EPG5: variants seen among roughly 807,000 people sequenced by gnomAD.
EPG5 encodes ectopic P granules protein 5 homolog.
EPG5 carries 159 observed loss-of-function variants against 302.7 expected under a neutral mutation model. The observed-to-expected ratio is 0.53, with a 90% CI of 0.46 to 0.60. The LOEUF (loss-of-function observed/expected upper bound fraction) is 0.60, where lower values mean the gene tolerates loss of function less well. Among genes scored for constraint, EPG5 ranks in the 20% least tolerant of loss-of-function variants. The pLI is 0.00. For missense variants in EPG5, 2,896 were observed against 3,092.4 expected (o/e 0.94, Z 1.51); for synonymous variants, 1,158 against 1,136.8 (o/e 1.02, Z -0.37).
At chr18:45,910,374 G>A in intron 23 of EPG5, 147 bp downstream of exon 23, 2 of 575,360 alleles carry the variant, frequency 3.5e-6, no homozygotes, top group South Asian at 5.6e-5. Context: ...AACATTTCAA[G>A]ATGCAAATCT....
In EPG5 at chr18:45,854,791, T is replaced by C. The variant is rs184873254; in HGVS notation, c.7557+782A>G. 3.6e-3 allele frequency among the ~76,000 whole-genome samples: 549 copies of C among 152,102 alleles called. 4 individuals carry two copies. The highest frequency in any genetic ancestry group is 1.7e-3 in the Non-Finnish European group (115 of 67,976). On this transcript the variant is annotated intron_variant, in intron 43 of 43. Coordinates refer to ENST00000282041, the MANE Select transcript of EPG5 (RefSeq NM_020964.3). ...TGGGAGGATTGCTTGAGCACAGGAG[T>C]TCAAGGCTGCAGTGAGATATGATCA...
Position 45,867,635 on chromosome 18 carries a change from G to C in EPG5, c.6339C>G (p.Thr2113=). Residue 2113 remains threonine, a synonymous_variant, in exon 37 of 44, where the codon ACC becomes ACG. Transcript: ENST00000282041. The part of the protein sequence containing the change: ...DAWNSSPHPE[T]RSMIVCLLFM... Reference sequence around the variant, plus strand: ...AAAGGAGGCAGACAATCATGCTGCGGGTTTCTGGGTGGGGACTGGAATTCC... The same window carrying C: ...AAAGGAGGCAGACAATCATGCTGCGCGTTTCTGGGTGGGGACTGGAATTCC... 1 of 1,614,124 alleles carries C rather than the reference G, an allele frequency of 6.2e-7. No homozygotes were observed. The highest frequency in any genetic ancestry group is 8.5e-7 in the Non-Finnish European group (1 of 1,180,014).
At chr18:45,860,703 G>A (rs10853537) in intron 39 of EPG5, among the ~76,000 whole-genome samples, 21,145 of 152,126 alleles carry the variant, frequency 0.14, 1,981 homozygotes, top group East Asian at 0.32. Context: ...AACCAAATAC[G>A]TAGATCTCAC....
chr18:45,856,054 C>T (rs891695277), intron 42 of EPG5, among the ~76,000 whole-genome samples: 1 of 152,112 alleles, frequency 6.6e-6, no homozygotes, highest in African/African-American at 2.4e-5. Flanking sequence ...CCTAGGTATA[C>T]ACAAAAAACT....
the EPG5 span, chr18:45,837,117 C>G: frequency 6.2e-7 from 1 of 1,611,798 alleles, no homozygotes; most frequent in Non-Finnish European, 8.5e-7. Context: ...ATCACCATCT[C>G]GGGGATCTTG....
At chr18:45,910,164 T>G (rs1402318077) in intron 23 of EPG5, among the ~76,000 whole-genome samples, 1 of 152,064 alleles carries the variant, frequency 6.6e-6, no homozygotes, top group Non-Finnish European at 1.5e-5. Context: ...TTTTTTTTTA[T>G]TTTTTGTAGA....
At chr18:45,869,760 C>T (rs2048831102) in intron 36 of EPG5, among the ~76,000 whole-genome samples, 1 of 151,984 alleles carries the variant, frequency 6.6e-6, no homozygotes, top group African/African-American at 2.4e-5. Context: ...ATTAAGGGCA[C>T]TAAAAAAGTT....
chr18:45,966,331 G>A (rs1238928856), intron 1 of EPG5, among the ~76,000 whole-genome samples: 11 of 148,082 alleles, frequency 7.4e-5, no homozygotes. Context: ...AGCCGAGATC[G>A]CGCCACTGCA....
intron 39 of EPG5, among the ~76,000 whole-genome samples, chr18:45,863,622 T>C (rs2048680227): frequency 6.6e-6 from 1 of 152,174 alleles, no homozygotes; most frequent in Non-Finnish European, 1.5e-5. Flanking sequence ...GAAAGTATGG[T>C]TCTTTACCTC....
intron 16 of EPG5, among the ~76,000 whole-genome samples, chr18:45,919,370 A>G (rs1315541054): frequency 6.6e-6 from 1 of 152,226 alleles, no homozygotes; most frequent in African/African-American, 2.4e-5. Context: ...ATCTCTAGAG[A>G]GAGCCCACAG....
the EPG5 span, among the ~76,000 whole-genome samples, chr18:45,836,833 C>G: frequency 6.6e-6 from 1 of 152,232 alleles, no homozygotes; most frequent in Non-Finnish European, 1.5e-5. Flanking sequence ...TGTTTCCTCT[C>G]TGTAAGTGGA....
chr18:45,876,260 C>G lies in EPG5; in HGVS notation c.6025G>C (p.Asp2009His). The change falls in exon 35 of 44, where the codon GAC (aspartate) becomes CAC (histidine). Residue 2009 changes from aspartate (D) to histidine (H), a missense_variant. Around this residue, in one of 5 missense-constraint regions of EPG5, gnomAD observed 620 missense variants for 704.2 expected, o/e 0.88. Coordinates refer to ENST00000282041, the MANE Select transcript of EPG5 (RefSeq NM_020964.3). ...CCTTTAAAACTCTCATGCAGTGAGT[C>G]AATACAGTCAGTGAACAGCTGCACA... ...SIVQLFTDCI[D>H]SLHESFKDKL... 6.2e-7 allele frequency: 1 copy of G among 1,613,752 alleles called. No individual in the cohort carries two copies. The highest frequency in any genetic ancestry group is 8.5e-7 in the Non-Finnish European group (1 of 1,179,688).
Position 45,916,074 on chromosome 18 carries a change from A to G in EPG5, c.3517T>C (p.Cys1173Arg). The stretch of plus-strand genomic sequence containing the variant: ...TGCATCAGCTGAAAAGCTGCTTTAC[A>G]CAAGTGGTCCATGAGGAAGAGGATA... ...QPILFLMDHL[C>R]KAAFQLMQED... The change falls in exon 19 of 44, where the codon TGT becomes CGT. Residue 1173 changes from cysteine to arginine, a missense_variant. Cys to Arg is a radical substitution (Grantham distance 180). Coordinates refer to ENST00000282041, the MANE Select transcript of EPG5 (RefSeq NM_020964.3). 6.2e-7 allele frequency: 1 copy of G among 1,614,068 alleles called. No individual in the cohort carries two copies. Among genetic ancestry groups the G allele is most frequent in the Non-Finnish European group, 8.5e-7 (1 of 1,180,012 alleles).
At chr18:45,905,037 A>G (rs1306476051) in intron 24 of EPG5, among the ~76,000 whole-genome samples, 1 of 152,198 alleles carries the variant, frequency 6.6e-6, no homozygotes, top group Non-Finnish European at 1.5e-5. Context: ...GAATTTTTTC[A>G]TAATAACAGG....
At chr18:45,816,326 T>A in the EPG5 span, among the ~76,000 whole-genome samples, 4 of 151,986 alleles carry the variant, frequency 2.6e-5, no homozygotes, top group Non-Finnish European at 5.9e-5. Context: ...AAAGGTATCG[T>A]CAGCAGAGTA....
In EPG5 at chr18:45,866,503, T is replaced by A. The variant is rs2048750754; in HGVS notation, c.6621+295A>T. On this transcript the variant is annotated intron_variant, in intron 38 of 43. Transcript: ENST00000282041. ...CTAAGTTCATATTACCAACCTCCCT[T>A]CCTCCCTGCTATTCTGCTGCCAATG... is the stretch of plus-strand genomic sequence containing the variant. 2.0e-5 allele frequency among the ~76,000 whole-genome samples: 3 copies of A among 152,160 alleles called. No individual in the cohort carries two copies. The South Asian group carries it at 6.2e-4, about 32-fold the overall frequency.
At position 45,879,012 on chromosome 18, in the gene EPG5, C is replaced by T. The variant is rs748670315; in HGVS notation, c.5869+1G>A. ...TCCACATCGCATGAGAAGTATATTA[C>T]CTGTTTTCCTGCTGGCAGTTGGGTC... On this transcript the variant is annotated splice_donor_variant, in intron 33 of 43. Transcript: ENST00000282041. LOFTEE classifies it high-confidence loss of function. 3.1e-6 allele frequency: 5 copies of T among 1,613,460 alleles called. No individual in the cohort carries two copies. Among genetic ancestry groups the T allele is most frequent in the Non-Finnish European group, 4.2e-6 (5 of 1,179,550 alleles).
At chr18:45,825,811 C>A in the EPG5 span, 1 of 1,613,782 alleles carries the variant, frequency 6.2e-7, no homozygotes, top group Non-Finnish European at 8.5e-7. Flanking sequence ...CTGGCCCATG[C>A]TCGGGACAGA....
intron 25 of EPG5, among the ~76,000 whole-genome samples, chr18:45,902,218 T>C (rs747891075): frequency 6.6e-6 from 1 of 152,238 alleles, no homozygotes; most frequent in South Asian, 2.1e-4. Flanking sequence ...AGGAGACTTG[T>C]ATTGTTTGTA....
Sources: allele counts gnomAD v4.1 joint callset (sites outside exome capture counted in the v4.1 genomes callset), GRCh38; gene constraint gnomAD v4.1.1; regional missense constraint gnomAD v4.1.1; transcripts MANE v1.5; gene names NCBI Gene and HGNC (gene_info 2026-07-23, HGNC 2026-07-21).